Variants in SHISA6 observed in about 807,000 individuals in gnomAD.
SHISA6 encodes the protein protein shisa-6.
In SHISA6, 22 loss-of-function variants were observed where a neutral mutation model predicts 47.9. The observed-to-expected ratio is 0.46, with a 90% confidence interval of 0.33 to 0.66. The LOEUF is 0.66. SHISA6 is among the 30% of genes least tolerant of loss of function. The pLI, the probability that SHISA6 is intolerant of heterozygous loss-of-function variation, is 0.02. For missense variants in SHISA6, 680 were observed against 764.6 expected (o/e 0.89, Z 1.30); for synonymous variants, 388 against 337.8 (o/e 1.15, Z -1.63).
At chr17:11,548,591 T>G (rs963989046) in intron 3 of SHISA6, among the ~76,000 whole-genome samples, 1 of 152,132 alleles carries the variant, frequency 6.6e-6, no homozygotes, top group East Asian at 1.9e-4. Flanking sequence ...CCCTGTCACA[T>G]TGCTAGGCAA....
At position 11,350,336 on chromosome 17, in the gene SHISA6, C is replaced by T. The variant is rs1409965202; in HGVS notation, c.800-29078C>T. Among the ~76,000 whole-genome samples, 8 of 2,506 alleles carry T rather than the reference C, an allele frequency of 3.2e-3. 1 individual carries two copies. The Non-Finnish European group carries it at 0.068, about 21-fold the overall frequency. The allele number at this position is 2,506 out of a possible 152,430, so 1.6% of individuals were successfully genotyped here. On this transcript the variant is annotated intron_variant, in intron 2 of 5. Transcript: ENST00000441885. Reference sequence around the variant, plus strand: ...CTGGGACTACAGGCGCCTGCCACCACGCCCGGCTAATTTTTTTGTCATTTT... The same window carrying T: ...CTGGGACTACAGGCGCCTGCCACCATGCCCGGCTAATTTTTTTGTCATTTT...
chr17:11,287,928 A>G (rs918996109), intron 2 of SHISA6, among the ~76,000 whole-genome samples: 7 of 152,196 alleles, frequency 4.6e-5, no homozygotes, highest in Admixed American at 3.9e-4. Context: ...ATATAAAAGT[A>G]GAAAGAATGG....
At chr17:11,330,636 G>A (rs1911068495) in intron 2 of SHISA6, among the ~76,000 whole-genome samples, 1 of 152,094 alleles carries the variant, frequency 6.6e-6, no homozygotes, top group Admixed American at 6.5e-5. Context: ...GAGCTTCCCT[G>A]GGGTCCAAGT....
chr17:11,551,849 G>A (rs1444039817), intron 3 of SHISA6, 47 bp from the exon 4 acceptor site: 4 of 1,471,088 alleles, frequency 2.7e-6, no homozygotes, highest in Non-Finnish European at 2.8e-6. Flanking sequence ...GAGAGATAGT[G>A]GAATGCCTGA....
At chr17:11,339,707 G>C (rs1226415773) in intron 2 of SHISA6, among the ~76,000 whole-genome samples, 1 of 152,158 alleles carries the variant, frequency 6.6e-6, no homozygotes, top group Non-Finnish European at 1.5e-5. Flanking sequence ...AGGAATTAAG[G>C]GTTCATGTGT....
chr17:11,551,873 A>G (rs1273151364), intron 3 of SHISA6, 23 bp from the exon 4 acceptor site: 2 of 1,549,760 alleles, frequency 1.3e-6, no homozygotes, highest in Non-Finnish European at 1.7e-6. Context: ...CTTCTTTAAA[A>G]ATTTCTTTTC....
intron 2 of SHISA6, chr17:11,289,555 T>C (rs1247544829): frequency 6.7e-6 from 1 of 148,262 alleles, no homozygotes; most frequent in Non-Finnish European, 1.5e-5. Flanking sequence ...AAAGAATCTT[T>C]TAAAATATAA....
chr17:11,289,989 C>T (rs1463144308), intron 2 of SHISA6: 2 of 152,072 alleles, frequency 1.3e-5, no homozygotes, highest in Non-Finnish European at 2.9e-5. Context: ...ATAACTGAAT[C>T]CTAGATGTGT....
At position 11,539,098 on chromosome 17, in the gene SHISA6, T is replaced by C. The variant is rs553662206; in HGVS notation, c.896-12798T>C. Among the ~76,000 whole-genome samples the C allele has an allele frequency of 3.4e-4, 52 of 152,220 alleles. 1 individual carries two copies. The highest frequency in any genetic ancestry group is 3.4e-3 in the Middle Eastern group (1 of 294). Reference sequence around the variant, plus strand: ...CTGGGACTACAGGCGCCTGCCACCATGCCCGGCTAATTTTTTTACTTTTAA... The same window carrying C: ...CTGGGACTACAGGCGCCTGCCACCACGCCCGGCTAATTTTTTTACTTTTAA... On this transcript the variant is annotated intron_variant, in intron 3 of 5. Coordinates refer to ENST00000441885, the MANE Select transcript of SHISA6 (RefSeq NM_207386.4).
intron 3 of SHISA6, among the ~76,000 whole-genome samples, chr17:11,400,964 T>C (rs1188720529): frequency 6.6e-6 from 1 of 152,228 alleles, no homozygotes; most frequent in African/African-American, 2.4e-5. Context: ...GAACAGTTCT[T>C]GTCTGTGGTC....
chr17:11,385,709 G>A (rs1340378488), intron 3 of SHISA6, among the ~76,000 whole-genome samples: 1 of 152,116 alleles, frequency 6.6e-6, no homozygotes, highest in Non-Finnish European at 1.5e-5. Context: ...GATGAGGCCT[G>A]AGAATGGAGC....
chr17:11,410,359 C>T (rs1245534341), intron 3 of SHISA6, among the ~76,000 whole-genome samples: 2 of 152,154 alleles, frequency 1.3e-5, no homozygotes, highest in African/African-American at 4.8e-5. Flanking sequence ...TTCTTTAATT[C>T]TCATAATAAT....
At position 11,552,311 on chromosome 17, in the gene SHISA6, G is replaced by A. The variant is rs1007370288; in HGVS notation, c.952+359G>A. On this transcript the variant is annotated intron_variant, in intron 4 of 5. Coordinates refer to ENST00000441885, the MANE Select transcript of SHISA6 (RefSeq NM_207386.4). ...CAAAGCTATTTGTGATATCATTTAC[G>A]AAAGACATGAGACTTGGTTAAACTT... Among the ~76,000 whole-genome samples, 7 of 152,260 alleles carry A rather than the reference G, an allele frequency of 4.6e-5. No homozygotes were observed. In the East Asian group the frequency reaches 5.8e-4, roughly 13 times the overall value.
At chr17:11,533,587 A>ATTT (rs3038696) in intron 3 of SHISA6, among the ~76,000 whole-genome samples, 2,023 of 94,818 alleles carry the variant, frequency 0.021, 81 homozygotes, top group Admixed American at 0.028. Flanking sequence ...CCCTTTCATT[A>ATTT]TTTTTTTTTT....
At chr17:11,242,800 T>G (rs1408428230) in intron 1 of SHISA6, among the ~76,000 whole-genome samples, 2 of 152,152 alleles carry the variant, frequency 1.3e-5, no homozygotes, top group African/African-American at 4.8e-5. Flanking sequence ...TACCAAAACT[T>G]ACGCCAAGAG....
At chr17:11,327,354 C>T (rs1260914303) in intron 2 of SHISA6, among the ~76,000 whole-genome samples, 3 of 152,202 alleles carry the variant, frequency 2.0e-5, no homozygotes, top group African/African-American at 7.2e-5. Context: ...CATTTCCCTT[C>T]CGCAAGGATT....
chr17:11,490,623 G>C (rs192842070), intron 3 of SHISA6, among the ~76,000 whole-genome samples: 1 of 152,190 alleles, frequency 6.6e-6, no homozygotes, highest in African/African-American at 2.4e-5. Flanking sequence ...AGTGCAGCCG[G>C]TGGTGACTTC....
chr17:11,329,593 A>T (rs183520461), intron 2 of SHISA6, among the ~76,000 whole-genome samples: 268 of 152,192 alleles, frequency 1.8e-3, no homozygotes, highest in Non-Finnish European at 2.8e-3. Flanking sequence ...CAGAGTCTCC[A>T]CGCGAGTAAA....
At chr17:11,436,947 G>A (rs1172826135) in intron 3 of SHISA6, among the ~76,000 whole-genome samples, 1 of 152,116 alleles carries the variant, frequency 6.6e-6, no homozygotes, top group African/African-American at 2.4e-5. Flanking sequence ...AAAAGGCCTG[G>A]GAGAAAAATC....
Sources: gnomAD v4.1 joint callset for allele counts (sites outside exome capture counted in the v4.1 genomes callset) on GRCh38, gnomAD v4.1.1 for gene constraint, MANE v1.5 for transcripts, NCBI Gene and HGNC (gene_info 2026-07-23, HGNC 2026-07-21) for gene names.